Variants in JMJD1C observed in about 807,000 individuals in gnomAD.
The protein encoded by JMJD1C is jumonji domain containing 1C.
JMJD1C carries 31 observed loss-of-function variants against 245.3 expected under a neutral mutation model. That is an observed-to-expected ratio of 0.13 (90% CI 0.09 to 0.17). The LOEUF is 0.17. Ranked by LOEUF, JMJD1C falls within the 10% of genes least tolerant of loss-of-function variation. The probability of loss-of-function intolerance (pLI) is 1.00; values close to 1 mark genes in which losing one functional copy is unlikely to be tolerated. For missense variants in JMJD1C, 2,691 were observed against 3,000.2 expected, an observed-to-expected ratio of 0.90 and a Z score of 2.41; for synonymous variants, 1,057 against 1,017.4, an observed-to-expected ratio of 1.04 and a Z score of -0.74.
chr10:63,409,601 T>C (rs148906441), intron 1 of JMJD1C, among the ~76,000 whole-genome samples: 1 of 152,298 alleles, frequency 6.6e-6, no homozygotes, highest in Non-Finnish European at 1.5e-5. Context: ...AGTGGAAGAA[T>C]GACTATTCTT....
intron 1 of JMJD1C, among the ~76,000 whole-genome samples, chr10:63,405,289 C>G (rs1055235683): frequency 4.0e-5 from 6 of 150,698 alleles, no homozygotes; most frequent in Non-Finnish European, 7.4e-5. Context: ...GAATTCAAAC[C>G]TGAGTCTACT....
At chr10:63,267,546 A>G (rs185685414) in intron 2 of JMJD1C, among the ~76,000 whole-genome samples, 5 of 152,318 alleles carry the variant, frequency 3.3e-5, no homozygotes, top group East Asian at 3.9e-4. Context: ...CTCTAAAGAT[A>G]TATCATTCTA....
intron 3 of JMJD1C, among the ~76,000 whole-genome samples, chr10:63,226,185 T>C (rs1446878487): frequency 6.6e-6 from 1 of 152,216 alleles, no homozygotes; most frequent in Non-Finnish European, 1.5e-5. Flanking sequence ...CTAACACTGG[T>C]TATGTGACAT....
intron 1 of JMJD1C, among the ~76,000 whole-genome samples, chr10:63,420,156 G>A (rs1950040621): frequency 6.6e-6 from 1 of 150,538 alleles, no homozygotes; most frequent in Admixed American, 6.7e-5. Context: ...AATCACCCCA[G>A]ACATTAAGTT....
At chr10:63,299,203 A>C (rs1859796058) in intron 2 of JMJD1C, among the ~76,000 whole-genome samples, 1 of 152,082 alleles carries the variant, frequency 6.6e-6, no homozygotes, top group African/African-American at 2.4e-5. Flanking sequence ...TTTTTTTGAG[A>C]CAGAGTCTTG....
At chr10:63,346,002 T>A (rs575701978) in intron 2 of JMJD1C, among the ~76,000 whole-genome samples, 4 of 152,338 alleles carry the variant, frequency 2.6e-5, no homozygotes, top group African/African-American at 9.6e-5. Flanking sequence ...TTTTACTCCT[T>A]ACGACTTTCT....
intron 3 of JMJD1C, among the ~76,000 whole-genome samples, chr10:63,241,549 T>C (rs1309858704): frequency 3.3e-5 from 5 of 152,218 alleles, no homozygotes; most frequent in Non-Finnish European, 7.3e-5. Context: ...ATAAAGTCTT[T>C]ATAATAGCCT....
At chr10:63,317,585 T>G (rs1420163927) in intron 2 of JMJD1C, among the ~76,000 whole-genome samples, 4 of 152,160 alleles carry the variant, frequency 2.6e-5, no homozygotes, top group African/African-American at 9.7e-5. Context: ...TCTTTAAGAT[T>G]CTTGACTCTG....
At chr10:63,355,933 C>A (rs1944804790) in intron 2 of JMJD1C, among the ~76,000 whole-genome samples, 1 of 152,150 alleles carries the variant, frequency 6.6e-6, no homozygotes, top group South Asian at 2.1e-4. Flanking sequence ...TACTGCATCA[C>A]TATTTCTCTA....
intron 2 of JMJD1C, among the ~76,000 whole-genome samples, chr10:63,325,498 AC>A: frequency 6.6e-6 from 1 of 152,222 alleles, no homozygotes; most frequent in African/African-American, 2.4e-5. Context: ...CACACCACCC[AC>A]CCAGCTAATT....
intron 1 of JMJD1C, among the ~76,000 whole-genome samples, chr10:63,429,360 G>A (rs1462551817): frequency 6.6e-6 from 1 of 151,796 alleles, no homozygotes; most frequent in Non-Finnish European, 1.5e-5. Flanking sequence ...AAAAAAAAAA[G>A]ACAGCTTTGA....
At chr10:63,205,900 T>A (rs776008946) in intron 10 of JMJD1C, among the ~76,000 whole-genome samples, 12 of 152,132 alleles carry the variant, frequency 7.9e-5, no homozygotes, top group Non-Finnish European at 1.5e-4. Context: ...CATGGCTCAC[T>A]GCAGCTTCAA....
intron 2 of JMJD1C, among the ~76,000 whole-genome samples, chr10:63,311,247 TG>T (rs1939151413): frequency 6.7e-6 from 1 of 149,214 alleles, no homozygotes; most frequent in African/African-American, 2.5e-5. Context: ...AGTGTGGTGA[TG>T]GGCAGCTGTA....
intron 1 of JMJD1C, among the ~76,000 whole-genome samples, chr10:63,475,559 C>G (rs1295501625): frequency 2.0e-5 from 3 of 151,980 alleles, no homozygotes; most frequent in Non-Finnish European, 4.4e-5. Flanking sequence ...AACCTAAGAC[C>G]AAAACAATAG....
intron 3 of JMJD1C, among the ~76,000 whole-genome samples, chr10:63,220,373 T>C (rs777092791): frequency 1.3e-4 from 20 of 152,198 alleles, no homozygotes; most frequent in South Asian, 4.1e-4. Context: ...AATAGATACA[T>C]ACACAGATGA....
chr10:63,320,031 G>T (rs1235258887), intron 2 of JMJD1C, among the ~76,000 whole-genome samples: 1 of 152,106 alleles, frequency 6.6e-6, no homozygotes, highest in South Asian at 2.1e-4. Flanking sequence ...CTCCCAAAGC[G>T]CTTGGATTAC....
At chr10:63,284,857 TCACACACACACACACACACACACA>T (rs57860875) in intron 2 of JMJD1C, among the ~76,000 whole-genome samples, 28 of 135,478 alleles carry the variant, frequency 2.1e-4, no homozygotes, top group Middle Eastern at 3.7e-3. Flanking sequence ...CAGGGAAGAT[TCACACACACACACACACACACACA>T]CACACACACA....
At chr10:63,346,793 C>T (rs1244945982) in intron 2 of JMJD1C, among the ~76,000 whole-genome samples, 1 of 152,102 alleles carries the variant, frequency 6.6e-6, no homozygotes, top group African/African-American at 2.4e-5. Flanking sequence ...ATCTACTTGG[C>T]TACTATTTTT....
chr10:63,253,386 CCTT>C (rs1215725291), intron 3 of JMJD1C, among the ~76,000 whole-genome samples: 1 of 150,354 alleles, frequency 6.7e-6, no homozygotes, highest in Non-Finnish European at 1.5e-5. Flanking sequence ...TTATATTACA[CCTT>C]TTTTTTTTTT....
Sources: allele counts gnomAD v4.1 joint callset (sites outside exome capture counted in the v4.1 genomes callset), GRCh38; gene constraint gnomAD v4.1.1; transcripts MANE v1.5; gene names NCBI Gene and HGNC (gene_info 2026-07-23, HGNC 2026-07-21).